ATXN1: variants seen among roughly 807,000 people sequenced by gnomAD.
ATXN1 encodes ataxin 1.
Under a neutral mutation model 56.4 loss-of-function variants are expected in ATXN1, and 8 were observed. The observed-to-expected ratio is 0.14, with a 90% CI of 0.08 to 0.26. The LOEUF (loss-of-function observed/expected upper bound fraction) is 0.26, where lower values mean the gene tolerates loss of function less well. Ranked by LOEUF, ATXN1 falls within the 10% of genes least tolerant of loss-of-function variation. The pLI, the probability that ATXN1 is intolerant of heterozygous loss-of-function variation, is 1.00. For synonymous variants in ATXN1, 514 were observed against 494.6 expected, an observed-to-expected ratio of 1.04 and a Z score of -0.52; for missense variants, 987 against 1,106.5, an observed-to-expected ratio of 0.89 and a Z score of 1.53.
intron 6 of ATXN1, among the ~76,000 whole-genome samples, chr6:16,392,254 G>A (rs746567382): frequency 4.6e-5 from 7 of 152,208 alleles, no homozygotes; most frequent in Non-Finnish European, 1.0e-4. Flanking sequence ...ATGGCATTGG[G>A]GAGGGCTGCC....
chr6:16,642,522 T>C (rs550345691), intron 3 of ATXN1, among the ~76,000 whole-genome samples: 1 of 152,378 alleles, frequency 6.6e-6, no homozygotes, highest in South Asian at 2.1e-4. Context: ...ACTTAATTGA[T>C]GCAGTGACAG....
intron 3 of ATXN1, among the ~76,000 whole-genome samples, chr6:16,641,511 T>C (rs1000185064): frequency 5.9e-5 from 9 of 152,218 alleles, no homozygotes; most frequent in Non-Finnish European, 1.0e-4. Flanking sequence ...TGAAAGCACA[T>C]TGGGTTACTA....
intron 4 of ATXN1, among the ~76,000 whole-genome samples, chr6:16,523,399 C>A (rs774389148): frequency 2.0e-5 from 3 of 152,132 alleles, no homozygotes; most frequent in Non-Finnish European, 4.4e-5. Flanking sequence ...ATTCAGTGAC[C>A]GTGGATGGGG....
intron 3 of ATXN1, among the ~76,000 whole-genome samples, chr6:16,598,103 C>T (rs535131764): frequency 6.6e-6 from 1 of 152,184 alleles, no homozygotes; most frequent in East Asian, 1.9e-4. Context: ...TCACACTGTA[C>T]CCCATAAATA....
chr6:16,427,780 C>A (rs1174971247), intron 6 of ATXN1, among the ~76,000 whole-genome samples: 2 of 152,158 alleles, frequency 1.3e-5, no homozygotes, highest in African/African-American at 4.8e-5. Context: ...TGCCTCATCA[C>A]CAGTGTCTGC....
chr6:16,508,094 AC>A (rs1460739979), intron 5 of ATXN1, among the ~76,000 whole-genome samples: 1 of 152,182 alleles, frequency 6.6e-6, no homozygotes, highest in East Asian at 1.9e-4. Context: ...TGGGGTCTCA[AC>A]AAATGTAACC....
At chr6:16,732,564 C>T (rs1760014838) in intron 2 of ATXN1, among the ~76,000 whole-genome samples, 1 of 151,998 alleles carries the variant, frequency 6.6e-6, no homozygotes, top group Non-Finnish European at 1.5e-5. Context: ...GAGTGAGACT[C>T]CATCTCACAC....
intron 2 of ATXN1, among the ~76,000 whole-genome samples, chr6:16,685,503 G>A (rs551036541): frequency 4.6e-5 from 7 of 152,130 alleles, no homozygotes; most frequent in Admixed American, 1.3e-4. Flanking sequence ...CACACCACAC[G>A]CACACAAAAA....
chr6:16,346,245 G>T, intron 6 of ATXN1, among the ~76,000 whole-genome samples: 1 of 152,034 alleles, frequency 6.6e-6, no homozygotes, highest in Non-Finnish European at 1.5e-5. Context: ...TTTCAGACAG[G>T]GTTATATCAT....
chr6:16,395,289 AAAC>A (rs1345923766), intron 6 of ATXN1, among the ~76,000 whole-genome samples: 3 of 150,184 alleles, frequency 2.0e-5, no homozygotes, highest in Non-Finnish European at 4.4e-5. Context: ...AAAAAAAAAA[AAAC>A]AAGAACAAAA....
At chr6:16,631,839 A>G (rs2113810983) in intron 3 of ATXN1, among the ~76,000 whole-genome samples, 1 of 152,310 alleles carries the variant, frequency 6.6e-6, no homozygotes, top group South Asian at 2.1e-4. Context: ...CCATGATATA[A>G]CTAAAACTCA....
At chr6:16,309,161 G>C (rs933467670) in intron 7 of ATXN1, among the ~76,000 whole-genome samples, 34 of 151,060 alleles carry the variant, frequency 2.3e-4, no homozygotes, top group African/African-American at 7.8e-4. Context: ...CCAGGAGTTA[G>C]AGGTTGCAGT....
chr6:16,592,177 C>A (rs758679441), intron 3 of ATXN1, among the ~76,000 whole-genome samples: 2 of 152,144 alleles, frequency 1.3e-5, no homozygotes, highest in African/African-American at 2.4e-5. Flanking sequence ...AGCTCTGCCC[C>A]CCTCCCAGTA....
intron 6 of ATXN1, among the ~76,000 whole-genome samples, chr6:16,358,963 CG>C (rs1467290286): frequency 1.3e-5 from 2 of 152,194 alleles, no homozygotes; most frequent in Non-Finnish European, 2.9e-5. Flanking sequence ...CGGGAGCTCC[CG>C]GGTGCAGCTG....
chr6:16,528,125 A>AC (rs1761428495), intron 4 of ATXN1, among the ~76,000 whole-genome samples: 1 of 151,724 alleles, frequency 6.6e-6, no homozygotes, highest in Non-Finnish European at 1.5e-5. Flanking sequence ...ACATGGCAAA[A>AC]CCCCGTCTCT....
rs181425118 is a variant in ATXN1 at position 16,706,627 on chromosome 6, A to G, written c.-615+46606T>C. 4.2e-3 allele frequency among the ~76,000 whole-genome samples: 632 copies of G among 151,708 alleles called. 3 individuals carry two copies. The highest frequency in any genetic ancestry group is 0.013 in the African/African-American group (555 of 41,362). On this transcript the variant is annotated intron_variant, in intron 2 of 7. Transcript: ENST00000436367. The stretch of plus-strand genomic sequence containing the variant: ...GTAATCCTAGCTACTCAGGAGACTG[A>G]GGCAGGAGAATTGCTTGAACCCAGA...
rs149210946 is a variant in ATXN1, at chr6:16,306,683, G to C, written c.2094C>G (p.Gly698=). 1 of 1,614,076 alleles carries C rather than the reference G, an allele frequency of 6.2e-7. No individual in the cohort carries two copies. Among genetic ancestry groups the C allele is most frequent in the Non-Finnish European group, 8.5e-7 (1 of 1,180,054 alleles). ...KNLKNGSVKK[G]QPVDPASVLL... is the part of the protein sequence containing the mutation. ...GGACGCTGGCGGGATCCACGGGCTG[G>C]CCCTTTTTAACAGAGCCGTTCTTCA... Residue 698 remains glycine, a synonymous_variant, in exon 8 of 8, where the codon GGC becomes GGG. Transcript: ENST00000436367. This position sits in a 1 kb window ranked among gnomAD's most constrained non-coding sequence, Gnocchi z 5.2.
chr6:16,324,980 C>T (rs1460025504), intron 7 of ATXN1, among the ~76,000 whole-genome samples: 1 of 152,128 alleles, frequency 6.6e-6, no homozygotes. Flanking sequence ...TCCTAGAGGC[C>T]TGACTTTTAT....
chr6:16,759,537 T>TC lies in ATXN1; in HGVS notation c.-730+1760_-730+1761insG, dbSNP rs1184370006. 2.0e-3 allele frequency among the ~76,000 whole-genome samples: 292 copies of TC among 142,472 alleles called. 2 individuals carry two copies. The highest frequency in any genetic ancestry group is 7.4e-3 in the African/African-American group (280 of 37,876). 93.5% of individuals were successfully genotyped at this position (142,472 alleles called of 152,430 possible). On this transcript the variant is annotated intron_variant, in intron 1 of 7. Coordinates refer to ENST00000436367, the MANE Select transcript of ATXN1 (RefSeq NM_001128164.2). ...AACCAGCTTCTTCCGACTGTTTTTT[T>TC]TTTTTTTTTTTTTTTTTTTTTGCCC...
Sources: allele counts gnomAD v4.1 joint callset (sites outside exome capture counted in the v4.1 genomes callset), GRCh38; gene constraint gnomAD v4.1.1; non-coding constraint Gnocchi (gnomAD v3.1); transcripts MANE v1.5; gene names NCBI Gene and HGNC (gene_info 2026-07-23, HGNC 2026-07-21).